The following NBPF26 variants were observed in gnomAD, a reference collection of about 807,000 sequenced individuals.
NBPF26 encodes NBPF member 26, also known as NBPF family member NBPF26.
NBPF26 carries 79 observed loss-of-function variants against 119.6 expected under a neutral mutation model. That is an observed-to-expected ratio of 0.66 (90% CI 0.55 to 0.80). The LOEUF (loss-of-function observed/expected upper bound fraction) is 0.80, where lower values mean the gene tolerates loss of function less well. NBPF26 is among the 30% of genes least tolerant of loss of function. The pLI is 0.00. For synonymous variants in NBPF26, 299 were observed against 457.7 expected (o/e 0.65, Z 4.43); for missense variants, 800 against 1,198.2 (o/e 0.67, Z 4.91).
chr1:120,781,942 C>T (rs1201509500), intron 2 of NBPF26, among the ~76,000 whole-genome samples: 1 of 107,030 alleles, frequency 9.3e-6, no homozygotes, highest in Non-Finnish European at 1.7e-5. Context: ...GCGAGTAATA[C>T]AAGAGACAAT....
At position 120,805,515 on chromosome 1, in the gene NBPF26, C is replaced by T; in HGVS notation, c.752-41C>T. ...CCTGATTAAACCGATTTGATTTCAC[C>T]AGTTTTTAACCCATCATATGTTTGG... On this transcript the variant is annotated intron_variant, in intron 4 of 29. Coordinates refer to ENST00000620612, the Ensembl canonical transcript of NBPF26. 11 of 1,233,572 alleles carry T rather than the reference C, an allele frequency of 8.9e-6. 1 individual carries two copies. The South Asian group carries it at 1.0e-4, about 11-fold the overall frequency. 76.4% of individuals were successfully genotyped at this position (1,233,572 alleles called of 1,614,324 possible). A position where few individuals can be genotyped will look rare whatever the true frequency, so the allele number is the denominator to read the frequency against.
chr1:120,793,497 G>A lies in NBPF26; in HGVS notation c.751+1G>A, dbSNP rs1651518624. The A allele has an allele frequency of 4.1e-5, 51 of 1,252,278 alleles. 9 individuals are homozygous for A. In the South Asian group the frequency reaches 5.4e-4, roughly 13 times the overall value. 77.6% of individuals were successfully genotyped at this position (1,252,278 alleles called of 1,614,324 possible). On this transcript the variant is annotated splice_donor_variant, in intron 4 of 29. Coordinates refer to ENST00000620612, the Ensembl canonical transcript of NBPF26. LOFTEE classifies it high-confidence loss of function. Reference sequence around the variant, plus strand: ...ACTTTTGAGTGCAACTGCCTTCCAGGTAAGGAGCTCCCTAGTGTCCCAGGA... The same window carrying A: ...ACTTTTGAGTGCAACTGCCTTCCAGATAAGGAGCTCCCTAGTGTCCCAGGA...
intron 1 of NBPF26, among the ~76,000 whole-genome samples, chr1:120,752,545 TATATATATA>T (rs1256040017): frequency 3.9e-4 from 7 of 17,902 alleles, no homozygotes; most frequent in African/African-American, 1.0e-3. Context: ...TATATATATA[TATATATATA>T]TTTTTTTTTT....
chr1:120,807,832 G>T (rs1459289903), intron 6 of NBPF26, 123 bp downstream of exon 6: 1 of 532,988 alleles, frequency 1.9e-6, no homozygotes, highest in African/African-American at 3.3e-5. Flanking sequence ...GCCATGGCAG[G>T]CTCGCTACAC....
At chr1:120,812,140 C>A in intron 10 of NBPF26, 45 bp downstream of exon 10, 1 of 986,334 alleles carries the variant, frequency 1.0e-6, no homozygotes, top group Non-Finnish European at 1.5e-6. Context: ...GAACGAGGTC[C>A]TGTCTTCTCT....
rs1370553281 is a variant in NBPF26, at chr1:120,791,325, C to G, written c.416-1836C>G. ...TATACCCAAAGAATTATAAATCGTG[C>G]TGCTATAAAGACACATGCACACGTA... On this transcript the variant is annotated intron_variant, in intron 3 of 29. Coordinates refer to ENST00000620612, the Ensembl canonical transcript of NBPF26. Among the ~76,000 whole-genome samples, 3 of 91,636 alleles carry G rather than the reference C, an allele frequency of 3.3e-5. 1 individual carries two copies. The highest frequency in any genetic ancestry group is 5.9e-5 in the Non-Finnish European group (3 of 50,892). 60.1% of individuals were successfully genotyped at this position (91,636 alleles called of 152,430 possible).
At chr1:120,822,983 T>C (rs1173548960) in intron 16 of NBPF26, among the ~76,000 whole-genome samples, 1 of 126,214 alleles carries the variant, frequency 7.9e-6, no homozygotes, top group Admixed American at 7.6e-5. Flanking sequence ...AAGCCTAATA[T>C]TGAAGTATCT....
rs1209954653 is a variant in NBPF26 at position 120,812,921 on chromosome 1, A to AAATAATAAT, written c.1774+856_1774+864dup. Among the ~76,000 whole-genome samples the AAATAATAAT allele has an allele frequency of 4.0e-3, 444 of 111,314 alleles. 9 individuals carry two copies. The highest frequency in any genetic ancestry group is 0.019 in the African/African-American group (384 of 19,720). 73.0% of individuals were successfully genotyped at this position (111,314 alleles called of 152,430 possible). ...CTGGGCGACAGGGCAAGACTGCTAA[A>AAATAATAAT]AATAATAATAATAATAATAATAATA... On this transcript the variant is annotated intron_variant, in intron 10 of 29. Transcript: ENST00000620612.
intron 9 of NBPF26, among the ~76,000 whole-genome samples, chr1:120,811,460 A>G (rs1453937078): frequency 0.055 from 6,083 of 110,506 alleles, 1,952 homozygotes; most frequent in African/African-American, 0.17. Context: ...GATGAGAATC[A>G]CTTGAACCCG....
chr1:120,810,625 G>C lies in NBPF26; in HGVS notation c.1564+67G>C. ...TATGGAAGGTCAATTCTGAGGACAG[G>C]CTGTATATACACATATTGTTATTGT... On this transcript the variant is annotated intron_variant, in intron 9 of 29. Transcript: ENST00000620612. 3 of 1,327,158 alleles carry C rather than the reference G, an allele frequency of 2.3e-6. 1 individual carries two copies. The highest frequency in any genetic ancestry group is 3.1e-6 in the Non-Finnish European group (3 of 974,514). The allele number at this position is 1,327,158 out of a possible 1,614,324, so 82.2% of individuals were successfully genotyped here.
At chr1:120,840,185 C>G (rs1458927962) in intron 29 of NBPF26, among the ~76,000 whole-genome samples, 165 bp from the exon 36 acceptor site, 1 of 91,310 alleles carries the variant, frequency 1.1e-5, no homozygotes, top group African/African-American at 7.7e-5. Flanking sequence ...TCTACCTGGC[C>G]CTGTTCTATC....
rs1652490153 is a variant in NBPF26, at chr1:120,840,423, C to T, written c.4177C>T (p.Pro1393Ser). ...CTCACTGGATATATGTTATTCGACT[C>T]CGTCAATGTACTTTGAACTACCTGA... The change falls in exon 30 of 30, where the codon CCG becomes TCG. Residue 1393 changes from proline to serine, a missense_variant. This residue lies in a region of NBPF26 where 155 missense variants were observed against 95.9 expected (regional missense o/e 1.62). Transcript: ENST00000620612. The T allele has an allele frequency of 3.3e-5, 48 of 1,468,516 alleles. 9 individuals are homozygous for T. Among genetic ancestry groups the T allele is most frequent in the Admixed American group, 3.1e-4 (17 of 54,896 alleles). The allele number at this position is 1,468,516 out of a possible 1,614,324, so 91.0% of individuals were successfully genotyped here.
In NBPF26 at chr1:120,792,506, ATTT is replaced by A. The variant is rs1281049564; in HGVS notation, c.416-644_416-642del. 1.2e-4 allele frequency among the ~76,000 whole-genome samples: 12 copies of A among 101,514 alleles called. 4 individuals carry two copies. Among genetic ancestry groups the A allele is most frequent in the African/African-American group, 7.3e-4 (12 of 16,444 alleles). 66.6% of individuals were successfully genotyped at this position (101,514 alleles called of 152,430 possible). ...CACTAGGAAAACAGAAGGGAAGTTG[ATTT>A]TTTTTTTTTTGAAATAGAGTCTTGC... On this transcript the variant is annotated intron_variant, in intron 3 of 29. Coordinates refer to ENST00000620612, the Ensembl canonical transcript of NBPF26.
chr1:120,838,527 T>C (rs1344650833), intron 27 of NBPF26, among the ~76,000 whole-genome samples: 25 of 83,836 alleles, frequency 3.0e-4, no homozygotes, highest in African/African-American at 1.2e-3. Context: ...TGTGTGTGTG[T>C]GTGTGTGTGT....
intron 5 of NBPF26, among the ~76,000 whole-genome samples, chr1:120,807,233 A>C (rs1421022809): frequency 7.9e-6 from 1 of 126,398 alleles, no homozygotes; most frequent in Non-Finnish European, 1.6e-5. Context: ...GGCCTTCCCG[A>C]CTGTACAAGA....
In NBPF26 at chr1:120,823,630, G is replaced by A. The variant is rs1161627625; in HGVS notation, c.2639+270G>A. Among the ~76,000 whole-genome samples, 8 of 125,028 alleles carry A rather than the reference G, an allele frequency of 6.4e-5. 1 individual carries two copies. The highest frequency in any genetic ancestry group is 4.0e-4 in the East Asian group (2 of 5,036). 82.0% of individuals were successfully genotyped at this position (125,028 alleles called of 152,430 possible). ...GCAGGGAAACTTGACCACATTTTAC[G>A]CAAAATTATTGAGGACATGCTTTTC... On this transcript the variant is annotated intron_variant, in intron 17 of 29. Transcript: ENST00000620612.
At chr1:120,790,532 C>A (rs1320776809) in intron 3 of NBPF26, among the ~76,000 whole-genome samples, 1 of 99,162 alleles carries the variant, frequency 1.0e-5, no homozygotes, top group Non-Finnish European at 1.8e-5. Context: ...TTCTTTCTCC[C>A]TCCCTTTCTT....
At chr1:120,764,507 A>T in intron 2 of NBPF26, among the ~76,000 whole-genome samples, 2 of 60,538 alleles carry the variant, frequency 3.3e-5, no homozygotes, top group African/African-American at 1.1e-4. Context: ...ATTGAGGGGG[A>T]GCAGGGGCTT....
chr1:120,768,616 A>C (rs1339150170), intron 2 of NBPF26, among the ~76,000 whole-genome samples: 2 of 110,744 alleles, frequency 1.8e-5, no homozygotes, highest in Non-Finnish European at 3.4e-5. Context: ...ATAAAAAAAA[A>C]AAACAAAACT....
Sources: allele counts gnomAD v4.1 joint callset (sites outside exome capture counted in the v4.1 genomes callset), GRCh38; gene constraint gnomAD v4.1.1; regional missense constraint gnomAD v4.1.1; transcripts MANE v1.5; gene names NCBI Gene and HGNC (gene_info 2026-07-23, HGNC 2026-07-21).